The following DNAAF5 variants were observed in gnomAD, a reference collection of about 807,000 sequenced individuals.
DNAAF5 encodes the protein HEAT repeat containing 2.
In DNAAF5, 64 loss-of-function variants were observed where a neutral mutation model predicts 75.8. That is an observed-to-expected ratio of 0.84 (90% CI 0.69 to 1.04). The LOEUF (loss-of-function observed/expected upper bound fraction) is 1.04. DNAAF5 is among the 50% of genes least tolerant of loss of function. The pLI is 0.00. For synonymous variants in DNAAF5, 657 were observed against 557.2 expected (o/e 1.18, Z -2.52); for missense variants, 1,269 against 1,178.5 (o/e 1.08, Z -1.12).
chr7:745,925 C>T lies in DNAAF5; in HGVS notation c.1024+4460C>T, dbSNP rs985556500. On this transcript the variant is annotated intron_variant, in intron 4 of 12. Coordinates refer to ENST00000297440, the MANE Select transcript of DNAAF5 (RefSeq NM_017802.4). ...AATTACAAAAACACAGTTAGTTATC[C>T]GTGCCGAGGCGTAGAGAGTGTCGTT... Among the ~76,000 whole-genome samples, 4 of 152,174 alleles carry T rather than the reference C, an allele frequency of 2.6e-5. No individual in the cohort carries two copies. In the East Asian group the frequency reaches 5.8e-4, roughly 22 times the overall value.
Position 775,041 on chromosome 7 carries a change from C to T in DNAAF5, c.2118C>T (p.Val706=), listed in dbSNP as rs1274532533. ...RDVQETLMPQ[V]LTTLEEDSKM... ...TGCAGGAAACACTGATGCCCCAGGT[C>T]CTGACCACCCTGGAGGAGGATTCGA... Residue 706 remains valine, a synonymous_variant, in exon 11 of 13, where the codon GTC becomes GTT. Coordinates refer to ENST00000297440, the MANE Select transcript of DNAAF5 (RefSeq NM_017802.4). The T allele has an allele frequency of 1.2e-6, 2 of 1,613,852 alleles. No homozygotes were observed. Among genetic ancestry groups the T allele is most frequent in the Admixed American group, 1.7e-5 (1 of 59,994 alleles).
At chr7:781,815 C>A (rs1313968170) in intron 12 of DNAAF5, among the ~76,000 whole-genome samples, 1 of 152,186 alleles carries the variant, frequency 6.6e-6, no homozygotes, top group African/African-American at 2.4e-5. Context: ...CTGTTCAGGT[C>A]TTTTACCCAT....
chr7:727,892 C>T (rs939529246), intron 1 of DNAAF5, among the ~76,000 whole-genome samples: 1 of 151,508 alleles, frequency 6.6e-6, no homozygotes, highest in Non-Finnish European at 1.5e-5. Flanking sequence ...GCAGAAATTC[C>T]TGTTAGGCGG....
intron 2 of DNAAF5, among the ~76,000 whole-genome samples, chr7:739,998 C>T (rs990267612): frequency 3.9e-5 from 6 of 152,172 alleles, no homozygotes; most frequent in African/African-American, 1.2e-4. Flanking sequence ...CTGCTCCCCA[C>T]GGCCCAGCCA....
chr7:751,002 G>C (rs949980468), intron 4 of DNAAF5: 8 of 153,612 alleles, frequency 5.2e-5, no homozygotes, highest in Middle Eastern at 3.4e-3. Flanking sequence ...AACTTAGCCA[G>C]GTGTGGTGGC....
At chr7:783,208 G>C (rs565624433) in intron 12 of DNAAF5, among the ~76,000 whole-genome samples, 1 of 152,244 alleles carries the variant, frequency 6.6e-6, no homozygotes, top group Non-Finnish European at 1.5e-5. Flanking sequence ...TCGTCCGTCC[G>C]CCATTCTTCC....
At position 726,705 on chromosome 7, in the gene DNAAF5, C is replaced by T. The variant is rs1445598326; in HGVS notation, c.-16C>T. ...CGAAAGCGCTGTTCCCCTTAGTGAC[C>T]GGCGACGCGGGCAAGATGGCGGCGC... On this transcript the variant is annotated 5_prime_UTR_variant, in exon 1 of 13. Coordinates refer to ENST00000297440, the MANE Select transcript of DNAAF5 (RefSeq NM_017802.4). The T allele has an allele frequency of 2.4e-6, 3 of 1,237,390 alleles. No homozygotes were observed. Among genetic ancestry groups the T allele is most frequent in the South Asian group, 3.8e-5 (1 of 26,386 alleles). 76.7% of individuals were successfully genotyped at this position (1,237,390 alleles called of 1,614,324 possible).
intron 12 of DNAAF5, among the ~76,000 whole-genome samples, chr7:782,868 G>A (rs1337727319): frequency 6.6e-6 from 1 of 152,144 alleles, no homozygotes; most frequent in South Asian, 2.1e-4. Flanking sequence ...TCCTGGCGTG[G>A]CCGCGTCCCC....
chr7:750,843 ATC>A (rs1562384556), intron 4 of DNAAF5: 3 of 167,076 alleles, frequency 1.8e-5, no homozygotes, highest in Admixed American at 6.5e-5. Context: ...CTGGTCACGC[ATC>A]TCTCATTTTG....
chr7:726,951 G>C lies in DNAAF5; in HGVS notation c.231G>C (p.Leu77=). Residue 77 remains leucine (L), a synonymous_variant, in exon 1 of 13, where the codon CTG becomes CTC. Coordinates refer to ENST00000297440, the MANE Select transcript of DNAAF5 (RefSeq NM_017802.4). ...TCCAGGGCCCCTGGGCGCGCCTACT[G>C]CTGCCGCGCTTGCTGCGCTGCCTGA... ...TAFQGPWARL[L]LPRLLRCLSD... The C allele has an allele frequency of 7.5e-7, 1 of 1,330,114 alleles. No individual in the cohort carries two copies. The highest frequency in any genetic ancestry group is 9.7e-7 in the Non-Finnish European group (1 of 1,036,080). 82.4% of individuals were successfully genotyped at this position (1,330,114 alleles called of 1,614,324 possible).
intron 11 of DNAAF5, among the ~76,000 whole-genome samples, chr7:779,227 C>T (rs1333811181): frequency 6.6e-6 from 1 of 152,230 alleles, no homozygotes; most frequent in African/African-American, 2.4e-5. Flanking sequence ...GAAGATGGGC[C>T]TGGTGCCAGG....
intron 9 of DNAAF5, chr7:771,293 G>A (rs906610339): frequency 7.2e-5 from 11 of 152,336 alleles, no homozygotes; most frequent in Non-Finnish European, 1.5e-4. Context: ...GGAGCACTGG[G>A]AGGGACAGTG....
chr7:782,651 C>G lies in DNAAF5; in HGVS notation c.2431+2507C>G, dbSNP rs577735242. On this transcript the variant is annotated intron_variant, in intron 12 of 12. Coordinates refer to ENST00000297440, the MANE Select transcript of DNAAF5 (RefSeq NM_017802.4). Reference sequence around the variant, plus strand: ...TTCCTGGCGTGGCCGCCTCCCGTCACGCAGCGTCAGAAACTCGATCTTCCT... The same window carrying G: ...TTCCTGGCGTGGCCGCCTCCCGTCAGGCAGCGTCAGAAACTCGATCTTCCT... 3.5e-4 allele frequency among the ~76,000 whole-genome samples: 46 copies of G among 129,718 alleles called. 1 individual carries two copies. Among genetic ancestry groups the G allele is most frequent in the African/African-American group, 1.3e-3 (43 of 32,440 alleles). The allele number at this position is 129,718 out of a possible 152,430, so 85.1% of individuals were successfully genotyped here. A position where few individuals can be genotyped will look rare whatever the true frequency, so the allele number is the denominator to read the frequency against.
At chr7:776,067 C>T (rs555059745) in intron 11 of DNAAF5, among the ~76,000 whole-genome samples, 7 of 151,996 alleles carry the variant, frequency 4.6e-5, no homozygotes, top group Non-Finnish European at 7.4e-5. Flanking sequence ...TGGCCGGGCA[C>T]GGTGGCTCAC....
intron 12 of DNAAF5, among the ~76,000 whole-genome samples, chr7:783,916 G>C (rs896375126): frequency 1.3e-5 from 2 of 151,966 alleles, no homozygotes; most frequent in African/African-American, 4.8e-5. Flanking sequence ...CGGCCCTCTC[G>C]CCTCCCCAGG....
Position 729,854 on chromosome 7 carries a change from G to C in DNAAF5, c.780+7G>C. The C allele has an allele frequency of 6.2e-7, 1 of 1,613,896 alleles. No homozygotes were observed. Among genetic ancestry groups the C allele is most frequent in the Non-Finnish European group, 8.5e-7 (1 of 1,179,886 alleles). On this transcript the variant is annotated splice_region_variant and intron_variant, in intron 2 of 12. Coordinates refer to ENST00000297440, the MANE Select transcript of DNAAF5 (RefSeq NM_017802.4). ...GTTTGATGACGTCCCGCAGGTAACT[G>C]GTGTTTCTCCTGGACAGTCTGTTCC...
At chr7:753,758 C>T (rs113333700) in intron 4 of DNAAF5, among the ~76,000 whole-genome samples, 2 of 108,692 alleles carry the variant, frequency 1.8e-5, no homozygotes, top group African/African-American at 7.2e-5. Flanking sequence ...GATCATATGG[C>T]GACGGCTTCG....
chr7:753,093 C>G (rs1218445778), intron 4 of DNAAF5, among the ~76,000 whole-genome samples: 1 of 152,238 alleles, frequency 6.6e-6, no homozygotes, highest in Non-Finnish European at 1.5e-5. Context: ...CGGACTGGCT[C>G]AAACACTTTG....
At chr7:730,179 A>G (rs1343170867) in intron 2 of DNAAF5, among the ~76,000 whole-genome samples, 1 of 152,106 alleles carries the variant, frequency 6.6e-6, no homozygotes, top group African/African-American at 2.4e-5. Flanking sequence ...AAAAGCCACC[A>G]TGGTTGGTGG....
Sources: allele counts gnomAD v4.1 joint callset (sites outside exome capture counted in the v4.1 genomes callset), GRCh38; gene constraint gnomAD v4.1.1; transcripts MANE v1.5; gene names NCBI Gene and HGNC (gene_info 2026-07-23, HGNC 2026-07-21).